LPGAT1: variants seen among roughly 807,000 people sequenced by gnomAD.
The protein encoded by LPGAT1 is lysophosphatidylglycerol acyltransferase 1.
Under a neutral mutation model 47.5 loss-of-function variants are expected in LPGAT1, and 11 were observed. That is an observed-to-expected ratio of 0.23 (90% CI 0.15 to 0.38). The LOEUF (loss-of-function observed/expected upper bound fraction) is 0.38, where lower values mean the gene tolerates loss of function less well. Among genes scored for constraint, LPGAT1 ranks in the 10% least tolerant of loss-of-function variants. The probability of loss-of-function intolerance (pLI) is 1.00; values close to 1 mark genes in which losing one functional copy is unlikely to be tolerated. For synonymous variants in LPGAT1, 138 were observed against 144.2 expected, an observed-to-expected ratio of 0.96 and a Z score of 0.31; for missense variants, 293 against 439.0, an observed-to-expected ratio of 0.67 and a Z score of 2.97.
chr1:211,766,314 T>C (rs1302463413), intron 6 of LPGAT1, among the ~76,000 whole-genome samples: 1 of 152,176 alleles, frequency 6.6e-6, no homozygotes, highest in African/African-American at 2.4e-5. Context: ...TCAGCAGCCA[T>C]AATCACATGA....
At chr1:211,777,725 A>G (rs558629043) in intron 6 of LPGAT1, among the ~76,000 whole-genome samples, 12 of 152,326 alleles carry the variant, frequency 7.9e-5, no homozygotes, top group African/African-American at 2.9e-4. Context: ...AACAAATTCA[A>G]TTTCTATCAC....
intron 2 of LPGAT1, among the ~76,000 whole-genome samples, chr1:211,818,290 A>T (rs1358215045): frequency 1.3e-5 from 2 of 152,186 alleles, no homozygotes; most frequent in Non-Finnish European, 2.9e-5. Context: ...AAGTATCCTT[A>T]ATAAGTAAAG....
rs550160553 is a variant in LPGAT1 at position 211,817,526 on chromosome 1, G to A, written c.238+11533C>T. Among the ~76,000 whole-genome samples the A allele has an allele frequency of 9.5e-4, 144 of 151,066 alleles. No individual in the cohort carries two copies. The East Asian group carries it at 0.02, about 21-fold the overall frequency. On this transcript the variant is annotated intron_variant, in intron 2 of 7. Transcript: ENST00000366997. ...GTGGAGGTTGCAGTGAGCCGAGATCGCACCACTGCACTCCAGCCTAGGGGA... is the reference window on the plus strand; with the variant it reads ...GTGGAGGTTGCAGTGAGCCGAGATCACACCACTGCACTCCAGCCTAGGGGA...
chr1:211,762,187 G>T (rs922809053), intron 6 of LPGAT1, among the ~76,000 whole-genome samples: 3 of 152,072 alleles, frequency 2.0e-5, no homozygotes, highest in African/African-American at 7.2e-5. Context: ...ATCTTTATAA[G>T]GAGAAAATTG....
chr1:211,771,078 C>CAG (rs76761507), intron 6 of LPGAT1, among the ~76,000 whole-genome samples: 44,198 of 144,354 alleles, frequency 0.31, 7,739 homozygotes, highest in Non-Finnish European at 0.41. Context: ...GCCTGAGCAA[C>CAG]AGAGAGAGAG....
At chr1:211,819,706 C>T (rs1010094463) in intron 2 of LPGAT1, among the ~76,000 whole-genome samples, 32 of 151,986 alleles carry the variant, frequency 2.1e-4, no homozygotes, top group African/African-American at 7.5e-4. Flanking sequence ...AAAGAGTTGC[C>T]GCGCACGGTG....
At chr1:211,810,648 TTG>T (rs1441547260) in intron 2 of LPGAT1, among the ~76,000 whole-genome samples, 1 of 152,170 alleles carries the variant, frequency 6.6e-6, no homozygotes, top group African/African-American at 2.4e-5. Flanking sequence ...TTCAAGAAGT[TTG>T]CTCACTTATT....
At chr1:211,822,369 A>G (rs1660391444) in intron 2 of LPGAT1, among the ~76,000 whole-genome samples, 1 of 152,232 alleles carries the variant, frequency 6.6e-6, no homozygotes, top group Non-Finnish European at 1.5e-5. Flanking sequence ...AGTAATATTT[A>G]CCTTTAATTA....
At chr1:211,778,764 C>T (rs1539195) in intron 6 of LPGAT1, among the ~76,000 whole-genome samples, 154 bp downstream of exon 6, 60,888 of 152,006 alleles carry the variant, frequency 0.4, 13,716 homozygotes, top group East Asian at 0.72. Context: ...GAAATACCTA[C>T]TTCAAATGAT....
intron 2 of LPGAT1, among the ~76,000 whole-genome samples, chr1:211,805,873 C>T (rs1659738507): frequency 6.6e-6 from 1 of 152,058 alleles, no homozygotes; most frequent in African/African-American, 2.4e-5. Flanking sequence ...TGAATAGAGG[C>T]AAAAATTATC....
At chr1:211,784,812 T>G (rs1658790322) in intron 4 of LPGAT1, among the ~76,000 whole-genome samples, 1 of 150,530 alleles carries the variant, frequency 6.6e-6, no homozygotes. Flanking sequence ...TTCTTTTTTT[T>G]TTTTTTTTTG....
chr1:211,815,257 A>T (rs942923094), intron 2 of LPGAT1, among the ~76,000 whole-genome samples: 2 of 152,096 alleles, frequency 1.3e-5, no homozygotes, highest in Non-Finnish European at 2.9e-5. Flanking sequence ...AAATTTTTAA[A>T]ATCTTTCCTC....
chr1:211,775,929 C>T (rs1658378670), intron 6 of LPGAT1, among the ~76,000 whole-genome samples: 1 of 111,394 alleles, frequency 9.0e-6, no homozygotes, highest in Non-Finnish European at 2.0e-5. Flanking sequence ...AAAATGCCAT[C>T]TCAAAAAAAA....
At chr1:211,804,253 T>C (rs111852790) in intron 2 of LPGAT1, among the ~76,000 whole-genome samples, 1 of 152,148 alleles carries the variant, frequency 6.6e-6, no homozygotes, top group Non-Finnish European at 1.5e-5. Flanking sequence ...TCTCGCTTTG[T>C]TGCCCATGCT....
At chr1:211,765,507 CATA>C (rs1657871563) in intron 6 of LPGAT1, among the ~76,000 whole-genome samples, 2 of 152,082 alleles carry the variant, frequency 1.3e-5, no homozygotes, top group South Asian at 2.1e-4. Context: ...TATTTGGGGG[CATA>C]ATATTTCCAA....
At chr1:211,806,001 T>G (rs1025223590) in intron 2 of LPGAT1, among the ~76,000 whole-genome samples, 4 of 152,232 alleles carry the variant, frequency 2.6e-5, no homozygotes, top group African/African-American at 9.6e-5. Flanking sequence ...GGCTCATGCC[T>G]GTAATCCCAG....
chr1:211,765,645 ATTCT>A (rs778469952), intron 6 of LPGAT1, among the ~76,000 whole-genome samples: 1 of 152,196 alleles, frequency 6.6e-6, no homozygotes, highest in Non-Finnish European at 1.5e-5. Flanking sequence ...TGGGGAGAGA[ATTCT>A]TTATTTCCAA....
chr1:211,756,347 CT>C (rs758274464), intron 6 of LPGAT1, among the ~76,000 whole-genome samples: 2 of 151,536 alleles, frequency 1.3e-5, no homozygotes, highest in African/African-American at 2.4e-5. Flanking sequence ...TAAAGAATGT[CT>C]TTTTTTTTGT....
intron 2 of LPGAT1, among the ~76,000 whole-genome samples, chr1:211,826,599 C>G (rs1212271141): frequency 1.3e-5 from 2 of 152,084 alleles, no homozygotes; most frequent in Non-Finnish European, 2.9e-5. Context: ...AGATAATCAA[C>G]ATAAGTCCTC....
Sources: allele counts gnomAD v4.1 joint callset (sites outside exome capture counted in the v4.1 genomes callset), GRCh38; gene constraint gnomAD v4.1.1; transcripts MANE v1.5; gene names NCBI Gene and HGNC (gene_info 2026-07-23, HGNC 2026-07-21).